GLDN: variants seen among roughly 807,000 people sequenced by gnomAD.
GLDN encodes the protein gliomedin, also known as collomin.
GLDN carries 47 observed loss-of-function variants against 56.5 expected under a neutral mutation model. The ratio of observed to expected loss-of-function variants is 0.83; its 90% CI spans 0.66 to 1.06. The LOEUF (loss-of-function observed/expected upper bound fraction) is 1.06, where lower values mean the gene tolerates loss of function less well. Ranked by LOEUF, GLDN falls within the 50% of genes least tolerant of loss-of-function variation. The pLI is 0.00. For synonymous variants in GLDN, 332 were observed against 278.8 expected (o/e 1.19, Z -1.90); for missense variants, 782 against 714.3 (o/e 1.09, Z -1.08).
At chr15:51,347,995 A>G (rs1428777196) in intron 1 of GLDN, among the ~76,000 whole-genome samples, 1 of 152,238 alleles carries the variant, frequency 6.6e-6, no homozygotes, top group Non-Finnish European at 1.5e-5. Context: ...AATCAAAGAA[A>G]TTAACAAAAG....
At chr15:51,373,436 T>C (rs966842765) in intron 1 of GLDN, among the ~76,000 whole-genome samples, 3 of 152,248 alleles carry the variant, frequency 2.0e-5, no homozygotes, top group African/African-American at 7.2e-5. Flanking sequence ...TGACTATATT[T>C]ACTGATAAAA....
chr15:51,400,149 G>A (rs2141130906), intron 6 of GLDN, 43 bp from the exon 7 acceptor site: 1 of 1,567,886 alleles, frequency 6.4e-7, no homozygotes, highest in South Asian at 1.1e-5. Flanking sequence ...AAATCTCACT[G>A]TGCCAACCGT....
chr15:51,342,101 T>C, intron 1 of GLDN, 54 bp downstream of exon 1: 1 of 1,581,648 alleles, frequency 6.3e-7, no homozygotes, highest in East Asian at 2.3e-5. Flanking sequence ...CGGCTGGGGG[T>C]GTGGGGCGAG....
At chr15:51,356,110 G>A (rs2141057431) in intron 1 of GLDN, among the ~76,000 whole-genome samples, 1 of 151,914 alleles carries the variant, frequency 6.6e-6, no homozygotes, top group Admixed American at 6.5e-5. Context: ...CAGAGGCTGA[G>A]GCAGCGGACT....
chr15:51,400,264 C>T lies in GLDN; in HGVS notation c.890C>T (p.Ser297Phe). ...KADEKASEHH[S>F]PQAESMITSI... ...GATGAGAAAGCCAGTGAACACCATT[C>T]CCCACAAGCAGGTATAGAAACAAAG... The change falls in exon 7 of 10, where the codon TCC (serine) becomes TTC (phenylalanine). Residue 297 changes from serine (S) to phenylalanine (F), a missense_variant. By Grantham distance (155) the Ser-to-Phe change is radical. Coordinates refer to ENST00000335449, the MANE Select transcript of GLDN (RefSeq NM_181789.4). 2 of 1,614,156 alleles carry T rather than the reference C, an allele frequency of 1.2e-6. No homozygotes were observed. The highest frequency in any genetic ancestry group is 2.7e-5 in the African/African-American group (2 of 75,038).
rs777151270 is a variant in GLDN, at chr15:51,383,399, G to T, written c.416-37G>T. On this transcript the variant is annotated intron_variant, in intron 2 of 9. Transcript: ENST00000335449. ...GGGTGCTCTTTGTTTTCTGGGTTCGGTGCTGGTTTCTCAACTAAATTTTTT... is the reference window on the plus strand; with the variant it reads ...GGGTGCTCTTTGTTTTCTGGGTTCGTTGCTGGTTTCTCAACTAAATTTTTT... The T allele has an allele frequency of 5.6e-6, 9 of 1,612,972 alleles. No homozygotes were observed. In the East Asian group the frequency reaches 2.0e-4, roughly 36 times the overall value.
intron 1 of GLDN, among the ~76,000 whole-genome samples, chr15:51,372,316 CTCA>C (rs1332514722): frequency 1.3e-5 from 2 of 152,232 alleles, no homozygotes; most frequent in Non-Finnish European, 2.9e-5. Context: ...GGAAGGGACA[CTCA>C]AACCATAGCA....
rs903075727 is a variant in GLDN, at chr15:51,363,347, C to T, written c.364-14102C>T. On this transcript the variant is annotated intron_variant, in intron 1 of 9. Transcript: ENST00000335449. Reference sequence around the variant, plus strand: ...TTCAATCAATCAACTGTATTGTGAGCCTTTTGTGCCCACAGATTTTGCCTT... The same window carrying T: ...TTCAATCAATCAACTGTATTGTGAGTCTTTTGTGCCCACAGATTTTGCCTT... Among the ~76,000 whole-genome samples the T allele has an allele frequency of 2.6e-5, 4 of 152,144 alleles. No individual in the cohort carries two copies. In the East Asian group the frequency reaches 5.8e-4, roughly 22 times the overall value.
At chr15:51,383,007 A>G (rs1298595223) in intron 2 of GLDN, among the ~76,000 whole-genome samples, 1 of 152,182 alleles carries the variant, frequency 6.6e-6, no homozygotes, top group Non-Finnish European at 1.5e-5. Flanking sequence ...AGTGGCTCAG[A>G]TGAGACAAGC....
intron 1 of GLDN, among the ~76,000 whole-genome samples, chr15:51,366,208 C>T (rs566666228): frequency 2.0e-5 from 3 of 152,290 alleles, no homozygotes; most frequent in Admixed American, 6.5e-5. Flanking sequence ...ATTGGGAGAA[C>T]ACGGTCGGAG....
chr15:51,399,694 C>T (rs1358072027), intron 6 of GLDN, among the ~76,000 whole-genome samples: 1 of 152,146 alleles, frequency 6.6e-6, no homozygotes, highest in African/African-American at 2.4e-5. Flanking sequence ...TCGGTGTTTC[C>T]CTGCCTGATG....
intron 6 of GLDN, among the ~76,000 whole-genome samples, chr15:51,398,619 G>A (rs927185389): frequency 3.3e-5 from 5 of 152,196 alleles, no homozygotes; most frequent in Non-Finnish European, 7.3e-5. Context: ...GGGGGCGCAC[G>A]GTCAGCTGTC....
intron 1 of GLDN, among the ~76,000 whole-genome samples, chr15:51,350,825 C>A (rs1340412502): frequency 1.3e-5 from 2 of 152,208 alleles, no homozygotes; most frequent in East Asian, 3.9e-4. Flanking sequence ...TCATCTGGAC[C>A]CATGAAAATA....
chr15:51,361,929 T>TA (rs1435657033), intron 1 of GLDN, among the ~76,000 whole-genome samples: 1 of 151,880 alleles, frequency 6.6e-6, no homozygotes, highest in African/African-American at 2.4e-5. Context: ...AGACTCCATC[T>TA]AAAAAACAAA....
intron 9 of GLDN, among the ~76,000 whole-genome samples, chr15:51,402,999 C>T (rs1198791040): frequency 6.6e-6 from 1 of 152,220 alleles, no homozygotes; most frequent in East Asian, 1.9e-4. Flanking sequence ...TGGTTCCCTG[C>T]TGCCATGTTA....
intron 1 of GLDN, among the ~76,000 whole-genome samples, chr15:51,350,117 C>G (rs1237258405): frequency 6.6e-6 from 1 of 152,084 alleles, no homozygotes; most frequent in Non-Finnish European, 1.5e-5. Context: ...GGTCTAACAC[C>G]TCTCCCAAGG....
intron 1 of GLDN, among the ~76,000 whole-genome samples, chr15:51,354,199 T>G (rs1005703841): frequency 2.0e-5 from 3 of 152,220 alleles, no homozygotes; most frequent in African/African-American, 2.4e-5. Context: ...CTGGGAAACT[T>G]GGAGGTCCTG....
chr15:51,370,335 A>G lies in GLDN; in HGVS notation c.364-7114A>G, dbSNP rs116221070. 3.7e-3 allele frequency among the ~76,000 whole-genome samples: 568 copies of G among 152,286 alleles called. 5 individuals are homozygous for G. The highest frequency in any genetic ancestry group is 0.013 in the African/African-American group (554 of 41,558). Reference sequence around the variant, plus strand: ...CTGTCATGTCCAACCCTCTCATTTTACAGACAAATAACTAAGGTCAACCCC... The same window carrying G: ...CTGTCATGTCCAACCCTCTCATTTTGCAGACAAATAACTAAGGTCAACCCC... On this transcript the variant is annotated intron_variant, in intron 1 of 9. Transcript: ENST00000335449.
chr15:51,357,620 C>T (rs1255594193), intron 1 of GLDN, among the ~76,000 whole-genome samples: 1 of 152,194 alleles, frequency 6.6e-6, no homozygotes, highest in Non-Finnish European at 1.5e-5. Context: ...CCTTTTTCTA[C>T]CTTTCCTGAG....
Sources: gnomAD v4.1 joint callset for allele counts (sites outside exome capture counted in the v4.1 genomes callset) on GRCh38, gnomAD v4.1.1 for gene constraint, MANE v1.5 for transcripts, NCBI Gene and HGNC (gene_info 2026-07-23, HGNC 2026-07-21) for gene names.